Variants in RERG observed in about 807,000 individuals in gnomAD.
The protein encoded by RERG is ras-related and estrogen-regulated growth inhibitor.
In RERG, 25 loss-of-function variants were observed where a neutral mutation model predicts 23.2. That is an observed-to-expected ratio of 1.08 (90% CI 0.79 to 1.50). The LOEUF (loss-of-function observed/expected upper bound fraction) is 1.50, where lower values mean the gene tolerates loss of function less well. Ranked by LOEUF, RERG falls within the 40% of genes most tolerant of loss-of-function variation. The pLI is 0.00. For missense variants in RERG, 253 were observed against 250.1 expected (o/e 1.01, Z -0.08); for synonymous variants, 81 against 89.1 (o/e 0.91, Z 0.51).
intron 2 of RERG, among the ~76,000 whole-genome samples, chr12:15,168,231 C>T (rs1433478341): frequency 6.6e-6 from 1 of 152,222 alleles, no homozygotes; most frequent in African/African-American, 2.4e-5. Flanking sequence ...TTTAATCACT[C>T]ACCACAAATA....
At chr12:15,202,384 C>T (rs1865229150) in intron 2 of RERG, among the ~76,000 whole-genome samples, 1 of 151,704 alleles carries the variant, frequency 6.6e-6, no homozygotes, top group African/African-American at 2.4e-5. Context: ...TGTTGTAAAG[C>T]AGATATCCAG....
At position 15,148,202 on chromosome 12, in the gene RERG, G is replaced by A. The variant is rs139384188; in HGVS notation, c.62-27083C>T. Among the ~76,000 whole-genome samples the A allele has an allele frequency of 3.2e-4, 48 of 152,166 alleles. No individual in the cohort carries two copies. The East Asian group carries it at 9.1e-3, about 29-fold the overall frequency. ...GAGAGAGAAAACATCCAAAATACAA[G>A]GCTGTATGTAGGTGGATTCAAAACA... is the stretch of plus-strand genomic sequence containing the variant. On this transcript the variant is annotated intron_variant, in intron 2 of 4. Transcript: ENST00000256953.
At chr12:15,163,301 G>A (rs771707850) in intron 2 of RERG, among the ~76,000 whole-genome samples, 3 of 152,214 alleles carry the variant, frequency 2.0e-5, no homozygotes, top group Non-Finnish European at 2.9e-5. Context: ...ACATCATTTT[G>A]TGACTCAGAG....
chr12:15,115,229 T>G (rs564211438), intron 3 of RERG, among the ~76,000 whole-genome samples: 1 of 152,178 alleles, frequency 6.6e-6, no homozygotes, highest in African/African-American at 2.4e-5. Flanking sequence ...TAAACACTTA[T>G]GTTAACTCAT....
intron 2 of RERG, among the ~76,000 whole-genome samples, chr12:15,146,613 T>C (rs1403424817): frequency 6.6e-6 from 1 of 152,262 alleles, no homozygotes; most frequent in Non-Finnish European, 1.5e-5. Context: ...AATCTGGGAC[T>C]GTCAATTTGA....
intron 2 of RERG, among the ~76,000 whole-genome samples, chr12:15,174,644 CTGTT>C (rs1864822216): frequency 6.6e-6 from 1 of 151,930 alleles, no homozygotes; most frequent in African/African-American, 2.4e-5. Flanking sequence ...CTTTGAATCT[CTGTT>C]TATTTTTCCT....
chr12:15,217,589 G>C lies in RERG; in HGVS notation c.-100C>G. 1.2e-6 allele frequency: 1 copy of C among 853,848 alleles called. No individual in the cohort carries two copies. Among genetic ancestry groups the C allele is most frequent in the Admixed American group, 1.8e-5 (1 of 55,070 alleles). The allele number at this position is 853,848 out of a possible 1,614,324, so 52.9% of individuals were successfully genotyped here. A position where few individuals can be genotyped will look rare whatever the true frequency, so the allele number is the denominator to read the frequency against. On this transcript the variant is annotated 5_prime_UTR_variant, in exon 2 of 5. Coordinates refer to ENST00000256953, the MANE Select transcript of RERG (RefSeq NM_032918.3). ...ATTCACCATATCATTGTGAATCTTG[G>C]AAGAGTCCACAATCCTTAAACAAAA...
chr12:15,148,861 T>G lies in RERG; in HGVS notation c.62-27742A>C, dbSNP rs866704048. 2.8e-3 allele frequency among the ~76,000 whole-genome samples: 233 copies of G among 82,894 alleles called. 2 individuals are homozygous for G. The highest frequency in any genetic ancestry group is 6.5e-3 in the South Asian group (13 of 1,994). 54.4% of individuals were successfully genotyped at this position (82,894 alleles called of 152,430 possible). ...CCTTTAACTCTGTTTTTTTTTTTTT[T>G]TTTTTTTTTTTTTTTTTTTTTTTTT... On this transcript the variant is annotated intron_variant, in intron 2 of 4. Coordinates refer to ENST00000256953, the MANE Select transcript of RERG (RefSeq NM_032918.3).
Position 15,107,862 on chromosome 12 carries a change from G to A in RERG, c.*1248C>T, listed in dbSNP as rs539315716. On this transcript the variant is annotated 3_prime_UTR_variant, in exon 5 of 5. Coordinates refer to ENST00000256953, the MANE Select transcript of RERG (RefSeq NM_032918.3). ...TACATCAAGTTGTCCAAATGCATTGGTGAATTAATGCCGCTAACGCTTACA... is the reference window on the plus strand; with the variant it reads ...TACATCAAGTTGTCCAAATGCATTGATGAATTAATGCCGCTAACGCTTACA... 21 of 152,612 alleles carry A rather than the reference G, an allele frequency of 1.4e-4. No homozygotes were observed. In the South Asian group the frequency reaches 4.4e-3, roughly 32 times the overall value. 9.5% of individuals were successfully genotyped at this position (152,612 alleles called of 1,614,324 possible). A position where few individuals can be genotyped will look rare whatever the true frequency, so the allele number is the denominator to read the frequency against.
At chr12:15,112,648 A>G (rs1863641873) in intron 3 of RERG, among the ~76,000 whole-genome samples, 1 of 152,204 alleles carries the variant, frequency 6.6e-6, no homozygotes, top group East Asian at 1.9e-4. Flanking sequence ...ACCTGATGAG[A>G]GTTAGGTTGA....
intron 2 of RERG, among the ~76,000 whole-genome samples, chr12:15,169,892 C>T (rs1565527072): frequency 2.0e-5 from 3 of 148,912 alleles, no homozygotes; most frequent in Non-Finnish European, 3.0e-5. Context: ...AGCAATGAAA[C>T]AAGAAGGACA....
intron 3 of RERG, 124 bp downstream of exon 3, chr12:15,120,939 T>C: frequency 1.3e-6 from 1 of 744,028 alleles, no homozygotes; most frequent in Non-Finnish European, 2.4e-6. Context: ...CTTCTTTGCA[T>C]GATTTGAAAA....
chr12:15,201,490 G>A (rs1865214394), intron 2 of RERG, among the ~76,000 whole-genome samples: 1 of 151,172 alleles, frequency 6.6e-6, no homozygotes, highest in South Asian at 2.1e-4. Flanking sequence ...GAAGTACCAT[G>A]GCAATGGCTG....
Position 15,108,990 on chromosome 12 carries a change from T to C in RERG, c.*120A>G, listed in dbSNP as rs1204017215. The C allele has an allele frequency of 9.3e-7, 1 of 1,075,046 alleles. No homozygotes were observed. The highest frequency in any genetic ancestry group is 2.4e-5 in the East Asian group (1 of 41,078). The allele number at this position is 1,075,046 out of a possible 1,614,324, so 66.6% of individuals were successfully genotyped here. A position where few individuals can be genotyped will look rare whatever the true frequency, so the allele number is the denominator to read the frequency against. The stretch of plus-strand genomic sequence containing the variant: ...CCAACCTATTAGAGGCCAGAAACAA[T>C]GGGAAGCCCAGACATTTCTCAGAAT... On this transcript the variant is annotated 3_prime_UTR_variant, in exon 5 of 5. Coordinates refer to ENST00000256953, the MANE Select transcript of RERG (RefSeq NM_032918.3).
chr12:15,130,590 A>G (rs1297934252), intron 2 of RERG, among the ~76,000 whole-genome samples: 1 of 152,348 alleles, frequency 6.6e-6, no homozygotes, highest in East Asian at 1.9e-4. Flanking sequence ...GCTTTATAAA[A>G]AATAAAATTG....
chr12:15,196,429 C>A (rs1010806871), intron 2 of RERG, among the ~76,000 whole-genome samples: 13 of 152,130 alleles, frequency 8.5e-5, no homozygotes, highest in African/African-American at 3.1e-4. Context: ...TTGTCTTAAT[C>A]ATTCTTTTCC....
intron 2 of RERG, among the ~76,000 whole-genome samples, chr12:15,164,107 T>A (rs1382935843): frequency 6.6e-6 from 1 of 152,154 alleles, no homozygotes; most frequent in Non-Finnish European, 1.5e-5. Flanking sequence ...GTTACTCAGT[T>A]AATTGACTAG....
intron 2 of RERG, among the ~76,000 whole-genome samples, chr12:15,153,905 A>G (rs1864481851): frequency 6.6e-6 from 1 of 152,192 alleles, no homozygotes. Flanking sequence ...GTGATTAAAT[A>G]TGACTATGTT....
In RERG at chr12:15,205,176, T is replaced by C. The variant is rs17835095; in HGVS notation, c.61+12253A>G. Among the ~76,000 whole-genome samples the C allele has an allele frequency of 5.9e-3, 891 of 152,100 alleles. 4 individuals carry two copies. The highest frequency in any genetic ancestry group is 0.01 in the Admixed American group (159 of 15,260). On this transcript the variant is annotated intron_variant, in intron 2 of 4. Coordinates refer to ENST00000256953, the MANE Select transcript of RERG (RefSeq NM_032918.3). ...CTGGCTGATTTTGAATTGTAAGTTA[T>C]ACACGCTCAGGAAAACACTATGGTC...
Sources: allele counts gnomAD v4.1 joint callset (sites outside exome capture counted in the v4.1 genomes callset), GRCh38; gene constraint gnomAD v4.1.1; transcripts MANE v1.5; gene names NCBI Gene and HGNC (gene_info 2026-07-23, HGNC 2026-07-21).